PINLYP: variants seen among roughly 807,000 people sequenced by gnomAD.
PINLYP encodes phospholipase A2 inhibitor and Ly6/PLAUR domain-containing protein.
Under a neutral mutation model 15.8 loss-of-function variants are expected in PINLYP, and 12 were observed. The observed-to-expected ratio is 0.76, with a 90% CI of 0.49 to 1.23. PINLYP has a LOEUF of 1.23. PINLYP is among the 50% of genes most tolerant of loss of function. The probability of loss-of-function intolerance (pLI) is 0.00; values close to 1 mark genes in which losing one functional copy is unlikely to be tolerated. For missense variants in PINLYP, 278 were observed against 264.2 expected, an observed-to-expected ratio of 1.05 and a Z score of -0.36; for synonymous variants, 93 against 97.7, an observed-to-expected ratio of 0.95 and a Z score of 0.28.
chr19:43,579,015 C>G, intron 3 of PINLYP: 10 of 257,310 alleles, frequency 3.9e-5, no homozygotes, highest in South Asian at 8.1e-5. Flanking sequence ...CTGTGGGGGG[C>G]AGAGAAATAG....
intron 3 of PINLYP, chr19:43,580,899 GGA>G: frequency 3.7e-6 from 1 of 271,242 alleles, no homozygotes; most frequent in Non-Finnish European, 6.6e-6. Context: ...GTCAGGAGTT[GGA>G]GACCAGCCTG....
chr19:43,578,121 C>G (rs1972887488), intron 2 of PINLYP, among the ~76,000 whole-genome samples: 2 of 152,162 alleles, frequency 1.3e-5, no homozygotes, highest in South Asian at 4.2e-4. Flanking sequence ...CCTCCTGGTC[C>G]TCACTCTCCC....
At chr19:43,581,977 T>G in exon 6 of PINLYP, 1 of 1,536,300 alleles carries the variant, frequency 6.5e-7, no homozygotes, top group East Asian at 2.4e-5. Flanking sequence ...TCCTCCATCA[T>G]ATAGAGTGCA....
At chr19:43,580,007 G>C (rs1972910941) in intron 3 of PINLYP, among the ~76,000 whole-genome samples, 1 of 152,036 alleles carries the variant, frequency 6.6e-6, no homozygotes, top group South Asian at 2.1e-4. Context: ...AGACCAGTGG[G>C]GGACAGAGAT....
chr19:43,579,860 C>T (rs890273692), intron 3 of PINLYP, among the ~76,000 whole-genome samples: 1 of 151,958 alleles, frequency 6.6e-6, no homozygotes, highest in African/African-American at 2.4e-5. Context: ...TAAGTGCACA[C>T]CGCTGCACTC....
chr19:43,578,357 A>G (rs535387245), intron 2 of PINLYP, among the ~76,000 whole-genome samples: 4 of 152,166 alleles, frequency 2.6e-5, no homozygotes, highest in Non-Finnish European at 4.4e-5. Context: ...AATTAGGCAA[A>G]CAGGCTTCAT....
chr19:43,577,272 AG>A lies in PINLYP; in HGVS notation c.70+14del. On this transcript the variant is annotated intron_variant, in intron 2 of 5. Coordinates refer to ENST00000599207, the Ensembl canonical transcript of PINLYP. ...CCCTCCTGGGTCTTGGTAAGTGACA[AG>A]GGACCTGAACTGTCTCTGGGACCTC... The A allele has an allele frequency of 6.5e-7, 1 of 1,535,534 alleles. No homozygotes were observed. The highest frequency in any genetic ancestry group is 8.7e-7 in the Non-Finnish European group (1 of 1,146,584).
In PINLYP at chr19:43,576,577, A is replaced by G. The variant is rs1351905596; in HGVS notation, c.-420A>G. On this transcript the variant is annotated 5_prime_UTR_variant, in exon 1 of 6. An upstream start codon of the reference 5' UTR is lost. Transcript: ENST00000599207. Reference sequence around the variant, plus strand: ...CATCTGTCTTTTACTACGCCCGCCTATGACTGCCGACAGACATCCCTCTGT... The same window carrying G: ...CATCTGTCTTTTACTACGCCCGCCTGTGACTGCCGACAGACATCCCTCTGT... Among the ~76,000 whole-genome samples the G allele has an allele frequency of 1.3e-5, 2 of 152,124 alleles. No individual in the cohort carries two copies. The highest frequency in any genetic ancestry group is 2.9e-5 in the Non-Finnish European group (2 of 68,004).
At chr19:43,576,573 G>T (rs3213242) in exon 1 of PINLYP, among the ~76,000 whole-genome samples, 1 of 152,052 alleles carries the variant, frequency 6.6e-6, no homozygotes, top group East Asian at 1.9e-4. Context: ...TACTACGCCC[G>T]CCTATGACTG....
At chr19:43,581,879 C>A in exon 6 of PINLYP, 1 of 1,536,738 alleles carries the variant, frequency 6.5e-7, no homozygotes. Context: ...TATTTTCAAA[C>A]CCAGATTTGC....
Position 43,581,379 on chromosome 19 carries a change from G to A in PINLYP, c.340+15G>A. ...CTTTTTGTCTGGTAAGAAGCCCGTG[G>A]TGTGTGGTGTGTGCTCTGGCTCTCC... is the stretch of plus-strand genomic sequence containing the variant. On this transcript the variant is annotated intron_variant, in intron 4 of 5. Coordinates refer to ENST00000599207, the Ensembl canonical transcript of PINLYP. 2.0e-6 allele frequency: 3 copies of A among 1,536,384 alleles called. No individual in the cohort carries two copies. Among genetic ancestry groups the A allele is most frequent in the Non-Finnish European group, 2.6e-6 (3 of 1,146,782 alleles).
exon 1 of PINLYP, chr19:43,576,000 C>T (rs1201047292): frequency 6.6e-6 from 1 of 152,166 alleles, no homozygotes; most frequent in Non-Finnish European, 1.5e-5. Flanking sequence ...CTCCTGGGGC[C>T]AAGGGATCCT....
upstream of PINLYP, chr19:43,575,793 C>G (rs1972855046): frequency 3.7e-6 from 1 of 272,182 alleles, no homozygotes; most frequent in South Asian, 1.4e-4. Context: ...AAGCGACCTC[C>G]GGGATTGGTG....
chr19:43,578,873 G>A (rs1366839807), intron 3 of PINLYP, 167 bp downstream of exon 3: 2 of 592,398 alleles, frequency 3.4e-6, no homozygotes, highest in Admixed American at 2.6e-5. Flanking sequence ...GGAGGGAACA[G>A]AAATAAGTGG....
chr19:43,577,856 A>C (rs1233536826), intron 2 of PINLYP, among the ~76,000 whole-genome samples: 1 of 152,204 alleles, frequency 6.6e-6, no homozygotes, highest in Non-Finnish European at 1.5e-5. Context: ...CAGTGAGCCA[A>C]GATCGTGCCA....
chr19:43,579,010 G>A (rs186796119), intron 3 of PINLYP: 2 of 323,474 alleles, frequency 6.2e-6, no homozygotes, highest in African/African-American at 4.3e-5. Context: ...AGACACTGTG[G>A]GGGGCAGAGA....
chr19:43,581,896 G>A, exon 6 of PINLYP: 1 of 1,536,732 alleles, frequency 6.5e-7, no homozygotes, highest in South Asian at 1.2e-5. Flanking sequence ...TTGCTATGCG[G>A]GGCTGTGCTA....
chr19:43,576,559 C>CT lies in PINLYP; in HGVS notation c.-434dup, dbSNP rs1972866861. ...CAATATGTGGACTGTGGGCATCTGTCTTTTACTACGCCCGCCTATGACTGC... is the reference window on the plus strand; with the variant it reads ...CAATATGTGGACTGTGGGCATCTGTCTTTTTACTACGCCCGCCTATGACTGC... On this transcript the variant is annotated 5_prime_UTR_variant, in exon 1 of 6. It removes the in-frame stop codon of an upstream open reading frame in the 5' UTR. Transcript: ENST00000599207. 6.6e-6 allele frequency among the ~76,000 whole-genome samples: 1 copy of CT among 152,158 alleles called. No homozygotes were observed. Among genetic ancestry groups the CT allele is most frequent in the Non-Finnish European group, 1.5e-5 (1 of 68,018 alleles).
At chr19:43,581,868 G>C (rs1447818936) in exon 6 of PINLYP, 7 of 1,536,764 alleles carry the variant, frequency 4.6e-6, no homozygotes, top group South Asian at 1.2e-5. Flanking sequence ...TCCCTTTCAG[G>C]TATTTTCAAA....
Sources: gnomAD v4.1 joint callset for allele counts (sites outside exome capture counted in the v4.1 genomes callset) on GRCh38, gnomAD v4.1.1 for gene constraint, MANE v1.5 for transcripts, NCBI Gene and HGNC (gene_info 2026-07-23, HGNC 2026-07-21) for gene names.